Variants in EDC3 observed in about 807,000 individuals in gnomAD.
The protein encoded by EDC3 is enhancer of mRNA-decapping protein 3.
In EDC3, 20 loss-of-function variants were observed where a neutral mutation model predicts 41.8. The ratio of observed to expected loss-of-function variants is 0.48; its 90% CI spans 0.34 to 0.70. The LOEUF (loss-of-function observed/expected upper bound fraction) is 0.70. Among genes scored for constraint, EDC3 ranks in the 30% least tolerant of loss-of-function variants. EDC3 has a pLI of 0.01. For synonymous variants in EDC3, 206 were observed against 243.2 expected (o/e 0.85, Z 1.42); for missense variants, 444 against 636.8 (o/e 0.70, Z 3.26).
chr15:74,647,007 CTTTTTTT>C (rs573421456), intron 4 of EDC3, among the ~76,000 whole-genome samples: 1 of 134,240 alleles, frequency 7.4e-6, no homozygotes, highest in Non-Finnish European at 1.6e-5. Context: ...CTTTCCAGAC[CTTTTTTT>C]TTTTTTTTTT....
intron 3 of EDC3, among the ~76,000 whole-genome samples, chr15:74,658,642 A>C (rs960383811): frequency 1.3e-5 from 2 of 150,092 alleles, no homozygotes; most frequent in Non-Finnish European, 3.0e-5. Flanking sequence ...AAAAAAAAAA[A>C]AAAAAAAAAA....
At chr15:74,638,326 CTTTTT>C (rs60846010) in intron 5 of EDC3, 97 of 92,628 alleles carry the variant, frequency 1.0e-3, no homozygotes, top group African/African-American at 3.3e-3. Flanking sequence ...AACTTCAGAT[CTTTTT>C]TTTTTTTTTT....
At chr15:74,663,244 C>T (rs910614258) in intron 3 of EDC3, among the ~76,000 whole-genome samples, 5 of 151,864 alleles carry the variant, frequency 3.3e-5, no homozygotes, top group African/African-American at 7.3e-5. Context: ...GCCGAGATGG[C>T]GCCACTGCAC....
chr15:74,633,492 T>C (rs2062237186), intron 6 of EDC3, among the ~76,000 whole-genome samples: 1 of 152,198 alleles, frequency 6.6e-6, no homozygotes, highest in Non-Finnish European at 1.5e-5. Context: ...CTCGTACTCA[T>C]TATCTCACAG....
At chr15:74,688,538 G>A (rs1414264570) in intron 1 of EDC3, among the ~76,000 whole-genome samples, 7 of 152,132 alleles carry the variant, frequency 4.6e-5, no homozygotes, top group Admixed American at 4.6e-4. Context: ...GATTATTTGA[G>A]CCTGATTTTG....
At chr15:74,682,781 G>C (rs2062888868) in intron 1 of EDC3, among the ~76,000 whole-genome samples, 4 of 152,160 alleles carry the variant, frequency 2.6e-5, no homozygotes. Flanking sequence ...CCAGCACTTT[G>C]GGAGGCTGAG....
chr15:74,682,240 T>G (rs980870090), intron 1 of EDC3, among the ~76,000 whole-genome samples: 1 of 152,126 alleles, frequency 6.6e-6, no homozygotes, highest in African/African-American at 2.4e-5. Flanking sequence ...GAGAATCGCT[T>G]GAACCTGGGA....
intron 3 of EDC3, among the ~76,000 whole-genome samples, chr15:74,668,025 C>T (rs1340310928): frequency 6.6e-6 from 1 of 152,150 alleles, no homozygotes; most frequent in Non-Finnish European, 1.5e-5. Context: ...ATAATATATA[C>T]ACTTGACACA....
intron 1 of EDC3, among the ~76,000 whole-genome samples, chr15:74,683,794 A>G (rs1007064127): frequency 5.9e-5 from 9 of 152,208 alleles, no homozygotes; most frequent in Admixed American, 5.2e-4. Context: ...CATATCAATA[A>G]ATGCAGAAAG....
At chr15:74,663,284 T>C (rs2062641408) in intron 3 of EDC3, among the ~76,000 whole-genome samples, 1 of 151,694 alleles carries the variant, frequency 6.6e-6, no homozygotes. Flanking sequence ...CAAGACTCCG[T>C]CTCAAAAAAT....
rs1225719309 is a variant in EDC3 at position 74,683,111 on chromosome 15, C to A, written c.-18-7969G>T. Among the ~76,000 whole-genome samples, 3 of 152,318 alleles carry A rather than the reference C, an allele frequency of 2.0e-5. No individual in the cohort carries two copies. The East Asian group carries it at 5.8e-4, about 29-fold the overall frequency. On this transcript the variant is annotated intron_variant, in intron 1 of 6. Coordinates refer to ENST00000315127, the MANE Select transcript of EDC3 (RefSeq NM_025083.5). ...CACAAACTGGAAACAACTCAGATAA[C>A]CTCAATGAGTGAATAAACAAACAGT...
chr15:74,638,872 C>A (rs1313679160), intron 5 of EDC3: 2 of 151,700 alleles, frequency 1.3e-5, no homozygotes, highest in African/African-American at 4.9e-5. Context: ...CCTTGCCCTG[C>A]TGAATTTACC....
In EDC3 at chr15:74,671,486, C is replaced by T; in HGVS notation, c.453G>A (p.Gln151=). The part of the protein sequence containing the change: ...YVDRHMESLS[Q]SKSFRRRHNS... ...TGTGCCGACGACGGAAACTTTTGGA[C>T]TGACTCAAGGATTCCATGTGCCTGT... The change falls in exon 3 of 7, where the codon CAG becomes CAA. Residue 151 remains glutamine, a synonymous_variant. Coordinates refer to ENST00000315127, the MANE Select transcript of EDC3 (RefSeq NM_025083.5). This position sits in a 1 kb window ranked among gnomAD's most constrained non-coding sequence, Gnocchi z 4.6. The T allele has an allele frequency of 6.2e-7, 1 of 1,612,198 alleles. No individual in the cohort carries two copies. The highest frequency in any genetic ancestry group is 8.5e-7 in the Non-Finnish European group (1 of 1,178,618).
At position 74,671,901 on chromosome 15, in the gene EDC3, G is replaced by A. The variant is rs2062743133; in HGVS notation, c.165-127C>T. ...TATTGAGTTATCAGAGGCTAGGAAA[G>A]GGGGCTGTGTGCTTAAGGACAGGGG... On this transcript the variant is annotated intron_variant, in intron 2 of 6. Coordinates refer to ENST00000315127, the MANE Select transcript of EDC3 (RefSeq NM_025083.5). This position sits in a 1 kb window ranked among gnomAD's most constrained non-coding sequence, Gnocchi z 4.6. 1.1e-6 allele frequency: 1 copy of A among 919,252 alleles called. No individual in the cohort carries two copies. The highest frequency in any genetic ancestry group is 2.5e-5 in the East Asian group (1 of 40,134). 56.9% of individuals were successfully genotyped at this position (919,252 alleles called of 1,614,324 possible).
intron 4 of EDC3, among the ~76,000 whole-genome samples, chr15:74,654,556 G>C (rs1420269206): frequency 6.6e-6 from 1 of 152,142 alleles, no homozygotes; most frequent in African/African-American, 2.4e-5. Context: ...AAAATCGAAG[G>C]ACTTCGGCAA....
chr15:74,674,324 GT>G (rs770719652), intron 2 of EDC3, among the ~76,000 whole-genome samples: 41 of 152,270 alleles, frequency 2.7e-4, no homozygotes, highest in Non-Finnish European at 3.1e-4. Flanking sequence ...TGACTAGCCA[GT>G]TTTGAAATCC....
chr15:74,657,605 G>A (rs948755966), intron 3 of EDC3, among the ~76,000 whole-genome samples: 1 of 152,226 alleles, frequency 6.6e-6, no homozygotes, highest in African/African-American at 2.4e-5. Flanking sequence ...GTTTAAGAGA[G>A]AAATACCCCC....
intron 6 of EDC3, among the ~76,000 whole-genome samples, chr15:74,633,764 G>C (rs903202886): frequency 6.6e-6 from 1 of 152,180 alleles, no homozygotes; most frequent in Non-Finnish European, 1.5e-5. Context: ...GAACTGCCTG[G>C]AAGGGGGCAT....
chr15:74,669,800 CT>C (rs1459506133), intron 3 of EDC3, among the ~76,000 whole-genome samples: 7 of 152,032 alleles, frequency 4.6e-5, no homozygotes, highest in Non-Finnish European at 8.8e-5. Context: ...TAGCATGACT[CT>C]AGCTTATAAT....
Sources: allele counts gnomAD v4.1 joint callset (sites outside exome capture counted in the v4.1 genomes callset), GRCh38; gene constraint gnomAD v4.1.1; non-coding constraint Gnocchi (gnomAD v3.1); transcripts MANE v1.5; gene names NCBI Gene and HGNC (gene_info 2026-07-23, HGNC 2026-07-21).